Variants in WDR5 observed in about 807,000 individuals in gnomAD.
The protein encoded by WDR5 is WD repeat-containing protein 5.
For missense variants in WDR5, 187 were observed against 416.9 expected (o/e 0.45, Z 4.80); for synonymous variants, 144 against 161.6 (o/e 0.89, Z 0.83).
rs1832790243 is a variant in WDR5, at chr9:134,157,296, C to T, written c.905-597C>T. The stretch of plus-strand genomic sequence containing the variant: ...GGGTCCTCGCCGGCGTTCTGGGGTT[C>T]TTTGGTTTACGTAGAAGCTGTAAAC... On this transcript the variant is annotated intron_variant, in intron 13 of 13. Transcript: ENST00000358625. The surrounding 1 kb of genome is among the most constrained non-coding windows in gnomAD (Gnocchi z 5.0). 6.6e-6 allele frequency among the ~76,000 whole-genome samples: 1 copy of T among 152,178 alleles called. No homozygotes were observed. The highest frequency in any genetic ancestry group is 1.5e-5 in the Non-Finnish European group (1 of 68,024).
chr9:134,142,975 T>A (rs1831973068), intron 7 of WDR5, among the ~76,000 whole-genome samples: 1 of 152,200 alleles, frequency 6.6e-6, no homozygotes, highest in Admixed American at 6.5e-5. Flanking sequence ...AGGGGCCGTT[T>A]GTGCAGACTT....
intron 6 of WDR5, 93 bp downstream of exon 6, chr9:134,142,515 T>C: frequency 6.4e-7 from 1 of 1,558,754 alleles, no homozygotes; most frequent in South Asian, 1.1e-5. Context: ...AGAAGGCAGG[T>C]GGGCCCTGAG....
intron 7 of WDR5, 72 bp downstream of exon 7, chr9:134,142,791 C>T: frequency 4.0e-6 from 6 of 1,504,194 alleles, no homozygotes; most frequent in South Asian, 1.1e-5. Flanking sequence ...GGCCAGCTGT[C>T]TCCCTGAGGG....
intron 1 of WDR5, among the ~76,000 whole-genome samples, chr9:134,139,345 C>T (rs1267251431): frequency 2.0e-5 from 3 of 152,228 alleles, no homozygotes; most frequent in Non-Finnish European, 2.9e-5. Context: ...TGTTTTCAAA[C>T]GTGGCTGTGA....
chr9:134,142,176 G>A (rs28648812), intron 5 of WDR5, 138 bp downstream of exon 5: 299,227 of 781,652 alleles, frequency 0.38, 64,583 homozygotes, highest in Admixed American at 0.46. Flanking sequence ...GGCATGGGGC[G>A]GGGGTGGGTG....
At chr9:134,140,441 G>A (rs1026708131) in intron 2 of WDR5, among the ~76,000 whole-genome samples, 9 of 152,134 alleles carry the variant, frequency 5.9e-5, no homozygotes, top group Non-Finnish European at 1.0e-4. Context: ...GGGGCCTCAC[G>A]TTTCTGGCTC....
intron 2 of WDR5, among the ~76,000 whole-genome samples, 165 bp from the exon 3 acceptor site, chr9:134,140,538 C>T (rs953542994): frequency 1.3e-5 from 2 of 152,148 alleles, no homozygotes; most frequent in African/African-American, 4.8e-5. Context: ...ATGTGTTCCA[C>T]TTGAAAGGTA....
At chr9:134,146,110 G>A (rs1221965626) in intron 7 of WDR5, among the ~76,000 whole-genome samples, 2 of 149,610 alleles carry the variant, frequency 1.3e-5, no homozygotes, top group African/African-American at 4.9e-5. Flanking sequence ...GACTACAGGC[G>A]CCCTCCACCA....
chr9:134,155,277 T>G, intron 10 of WDR5, 63 bp from the exon 11 acceptor site: 1 of 1,488,460 alleles, frequency 6.7e-7, no homozygotes, highest in Non-Finnish European at 8.9e-7. Context: ...GGCTGCAGAG[T>G]TGGGTGTGGG....
chr9:134,149,916 G>A (rs1423715657), intron 8 of WDR5, among the ~76,000 whole-genome samples: 2 of 152,186 alleles, frequency 1.3e-5, no homozygotes, highest in African/African-American at 4.8e-5. Flanking sequence ...AGGGGCCCTG[G>A]GTATGGTGCC....
intron 5 of WDR5, 44 bp from the exon 6 acceptor site, chr9:134,142,289 G>A (rs760243607): frequency 1.3e-6 from 2 of 1,582,960 alleles, no homozygotes; most frequent in Admixed American, 3.3e-5. Flanking sequence ...TCTTACGTTT[G>A]GGGAAATAAG....
chr9:134,136,639 C>A (rs933668338), intron 1 of WDR5, among the ~76,000 whole-genome samples: 1 of 152,220 alleles, frequency 6.6e-6, no homozygotes, highest in African/African-American at 2.4e-5. Context: ...TCCCGCCGCT[C>A]ACCCCAACCC....
chr9:134,151,042 G>T (rs991589495), intron 8 of WDR5, among the ~76,000 whole-genome samples: 2 of 152,180 alleles, frequency 1.3e-5, no homozygotes, highest in Non-Finnish European at 2.9e-5. Flanking sequence ...AGGAGATGAG[G>T]CGGCTCCGGA....
intron 5 of WDR5, 104 bp from the exon 6 acceptor site, chr9:134,142,229 G>A: frequency 1.5e-6 from 2 of 1,315,886 alleles, no homozygotes; most frequent in Non-Finnish European, 1.1e-6. Context: ...GTCACTGGCG[G>A]GGCATCAGGC....
At chr9:134,135,643 T>C (rs1831499825), upstream of WDR5, 1 of 152,042 alleles carries the variant, frequency 6.6e-6, no homozygotes, top group South Asian at 2.1e-4. Context: ...CCCCAGGTGC[T>C]TTCCAAATGC....
chr9:134,156,737 T>C, intron 13 of WDR5, 144 bp downstream of exon 13: 1 of 751,256 alleles, frequency 1.3e-6, no homozygotes, highest in Non-Finnish European at 2.2e-6. Context: ...GAACCGCTGC[T>C]AAGAGCTCTT....
At chr9:134,152,398 C>G (rs754107951) in intron 9 of WDR5, among the ~76,000 whole-genome samples, 21 of 152,180 alleles carry the variant, frequency 1.4e-4, no homozygotes, top group Non-Finnish European at 2.9e-4. Flanking sequence ...GGCTGAGTGC[C>G]TGCCCATCTG....
rs923414634 is a variant in WDR5 at position 134,136,191 on chromosome 9, G to A, written c.-68G>A. The A allele has an allele frequency of 6.8e-6, 1 of 147,596 alleles. No homozygotes were observed. The highest frequency in any genetic ancestry group is 1.5e-5 in the Non-Finnish European group (1 of 66,268). The allele number at this position is 147,596 out of a possible 1,614,324, so 9.1% of individuals were successfully genotyped here. A position where few individuals can be genotyped will look rare whatever the true frequency, so the allele number is the denominator to read the frequency against. On this transcript the variant is annotated 5_prime_UTR_variant, in exon 1 of 14. Coordinates refer to ENST00000358625, the MANE Select transcript of WDR5 (RefSeq NM_017588.3). The stretch of plus-strand genomic sequence containing the variant: ...CCCGAGCGCCCGGCCCCGCCGCCGC[G>A]GCCCGGCAGGTAAGCGGGCAGCCGC...
intron 10 of WDR5, 24 bp from the exon 11 acceptor site, chr9:134,155,316 C>A: frequency 6.3e-7 from 1 of 1,585,004 alleles, no homozygotes; most frequent in Non-Finnish European, 8.6e-7. Flanking sequence ...GACATGCCGC[C>A]TCACCCCTCT....
Sources: allele counts gnomAD v4.1 joint callset (sites outside exome capture counted in the v4.1 genomes callset), GRCh38; gene constraint gnomAD v4.1.1; non-coding constraint Gnocchi (gnomAD v3.1); transcripts MANE v1.5; gene names NCBI Gene and HGNC (gene_info 2026-07-23, HGNC 2026-07-21).